Variants in COLEC10 observed in about 807,000 individuals in gnomAD.
The protein encoded by COLEC10 is collectin subfamily member 10, also known as collectin-10.
Under a neutral mutation model 28.4 loss-of-function variants are expected in COLEC10, and 22 were observed. The observed-to-expected ratio is 0.78, with a 90% CI of 0.55 to 1.11. COLEC10 has a LOEUF of 1.11. COLEC10 is among the 50% of genes least tolerant of loss of function. The pLI is 0.00. For synonymous variants in COLEC10, 125 were observed against 116.1 expected, an observed-to-expected ratio of 1.08 and a Z score of -0.49; for missense variants, 361 against 344.1, an observed-to-expected ratio of 1.05 and a Z score of -0.39.
chr8:119,060,182 T>C (rs1234985479), intron 2 of COLEC10, among the ~76,000 whole-genome samples: 1 of 152,056 alleles, frequency 6.6e-6, no homozygotes, highest in Non-Finnish European at 1.5e-5. Context: ...ATAAAATTTT[T>C]AAAAACCCAC....
chr8:118,956,114 T>A, the COLEC10 span, among the ~76,000 whole-genome samples: 7 of 152,148 alleles, frequency 4.6e-5, no homozygotes, highest in Non-Finnish European at 8.8e-5. Context: ...CCTTGCAACC[T>A]TACGTGGCAG....
At chr8:118,983,426 G>A in the COLEC10 span, among the ~76,000 whole-genome samples, 2 of 152,106 alleles carry the variant, frequency 1.3e-5, no homozygotes, top group African/African-American at 4.8e-5. Flanking sequence ...AACCCAGTCT[G>A]CTTCCCAGCA....
At chr8:119,056,255 A>C (rs1814759767) in intron 2 of COLEC10, among the ~76,000 whole-genome samples, 1 of 152,076 alleles carries the variant, frequency 6.6e-6, no homozygotes, top group African/African-American at 2.4e-5. Context: ...CCTACTCAAT[A>C]TCTATTCTTG....
chr8:119,022,139 G>T (rs571634292), intron 2 of COLEC10, among the ~76,000 whole-genome samples: 3 of 152,208 alleles, frequency 2.0e-5, no homozygotes, highest in African/African-American at 7.2e-5. Context: ...AATGAAAGCT[G>T]TAACTGTCAG....
chr8:119,031,842 A>G (rs1814294363), intron 2 of COLEC10, among the ~76,000 whole-genome samples: 3 of 152,228 alleles, frequency 2.0e-5, no homozygotes, highest in African/African-American at 7.2e-5. Context: ...TTGTAGAAAT[A>G]AATGTAACTT....
At chr8:118,983,111 C>A in the COLEC10 span, among the ~76,000 whole-genome samples, 1 of 152,184 alleles carries the variant, frequency 6.6e-6, no homozygotes, top group Non-Finnish European at 1.5e-5. Flanking sequence ...TGAGCCGTTG[C>A]TCTGAACTTA....
chr8:119,004,864 G>A (rs1766404009), intron 1 of COLEC10, among the ~76,000 whole-genome samples: 1 of 146,104 alleles, frequency 6.8e-6, no homozygotes, highest in Admixed American at 6.9e-5. Context: ...ATTATTCTCT[G>A]TATATTCCTA....
At chr8:119,075,730 G>T (rs561064282) in intron 1 of COLEC10, among the ~76,000 whole-genome samples, 2 of 151,974 alleles carry the variant, frequency 1.3e-5, no homozygotes, top group African/African-American at 4.8e-5. Flanking sequence ...TCTTGCATGC[G>T]ATTTGACCAC....
At chr8:119,024,268 T>A (rs772646136) in intron 2 of COLEC10, among the ~76,000 whole-genome samples, 1 of 152,042 alleles carries the variant, frequency 6.6e-6, no homozygotes, top group Non-Finnish European at 1.5e-5. Context: ...GCTCTTGCCG[T>A]TTTTGAAGAA....
the COLEC10 span, among the ~76,000 whole-genome samples, chr8:118,977,579 A>C: frequency 7.9e-6 from 1 of 127,278 alleles, no homozygotes; most frequent in African/African-American, 3.0e-5. Context: ...GAAGGGGAAC[A>C]TCACACTCTG....
At chr8:119,065,231 C>T (rs1031371327), upstream of COLEC10, among the ~76,000 whole-genome samples, 2 of 152,074 alleles carry the variant, frequency 1.3e-5, no homozygotes, top group Non-Finnish European at 2.9e-5. Context: ...GGTGGGTGAG[C>T]CTGCGAAGTT....
intron 2 of COLEC10, among the ~76,000 whole-genome samples, chr8:119,046,164 AC>A (rs1471902407): frequency 6.6e-6 from 1 of 152,144 alleles, no homozygotes; most frequent in Non-Finnish European, 1.5e-5. Flanking sequence ...AGTCATCTCA[AC>A]ATTGATTTCT....
intron 1 of COLEC10, among the ~76,000 whole-genome samples, chr8:119,001,706 A>AAAACAAAC (rs3082623): frequency 6.6e-6 from 1 of 150,618 alleles, no homozygotes; most frequent in Non-Finnish European, 1.5e-5. Flanking sequence ...CCAAAACAGT[A>AAAACAAAC]AAACAAACAA....
At chr8:119,001,277 A>G (rs551521900) in intron 1 of COLEC10, among the ~76,000 whole-genome samples, 2 of 152,310 alleles carry the variant, frequency 1.3e-5, no homozygotes, top group South Asian at 2.1e-4. Flanking sequence ...TAAGGAGAAT[A>G]AAAACAAAAG....
chr8:118,960,152 G>C, the COLEC10 span, among the ~76,000 whole-genome samples: 1 of 152,120 alleles, frequency 6.6e-6, no homozygotes, highest in African/African-American at 2.4e-5. Flanking sequence ...GGGGGTAGGG[G>C]GTGTTGGTGG....
intron 2 of COLEC10, among the ~76,000 whole-genome samples, chr8:119,032,558 G>T (rs917782487): frequency 2.0e-5 from 3 of 152,164 alleles, no homozygotes; most frequent in South Asian, 2.1e-4. Flanking sequence ...TTTACAAGAG[G>T]AGGAATGAGG....
the COLEC10 span, among the ~76,000 whole-genome samples, chr8:118,989,558 C>T: frequency 1.3e-5 from 2 of 149,664 alleles, no homozygotes; most frequent in African/African-American, 5.0e-5. Context: ...CACACACACA[C>T]ACACACACAC....
chr8:119,005,312 T>C (rs61706918), intron 1 of COLEC10, among the ~76,000 whole-genome samples: 4,409 of 152,220 alleles, frequency 0.029, 122 homozygotes, highest in East Asian at 0.16. Context: ...TTAATCACAG[T>C]CACATTGCTA....
At chr8:118,978,180 T>C in the COLEC10 span, among the ~76,000 whole-genome samples, 1 of 152,142 alleles carries the variant, frequency 6.6e-6, no homozygotes, top group African/African-American at 2.4e-5. Context: ...GAATATGATT[T>C]TTAACTTCTG....
Sources: gnomAD v4.1 joint callset for allele counts (sites outside exome capture counted in the v4.1 genomes callset) on GRCh38, gnomAD v4.1.1 for gene constraint, MANE v1.5 for transcripts, NCBI Gene and HGNC (gene_info 2026-07-23, HGNC 2026-07-21) for gene names.